Variants in PPP2R2B observed in about 807,000 individuals in gnomAD.
The protein encoded by PPP2R2B is serine/threonine-protein phosphatase 2A 55 kDa regulatory subunit B beta isoform.
In PPP2R2B, 5 loss-of-function variants were observed where a neutral mutation model predicts 46.0. The ratio of observed to expected loss-of-function variants is 0.11; its 90% CI spans 0.06 to 0.23. The LOEUF is 0.23. PPP2R2B is among the 10% of genes least tolerant of loss of function. The probability of loss-of-function intolerance (pLI) is 1.00; values close to 1 mark genes in which losing one functional copy is unlikely to be tolerated. For missense variants in PPP2R2B, 367 were observed against 575.0 expected, an observed-to-expected ratio of 0.64 and a Z score of 3.70; for synonymous variants, 215 against 206.7, an observed-to-expected ratio of 1.04 and a Z score of -0.34.
At chr5:146,684,053 C>G (rs187583171) in intron 5 of PPP2R2B, among the ~76,000 whole-genome samples, 1 of 152,040 alleles carries the variant, frequency 6.6e-6, no homozygotes, top group Non-Finnish European at 1.5e-5. Flanking sequence ...ATCCAGGAGC[C>G]GTTGGTGCCA....
At chr5:146,626,132 G>GCCACTA (rs1774044872) in intron 7 of PPP2R2B, among the ~76,000 whole-genome samples, 1 of 152,224 alleles carries the variant, frequency 6.6e-6, no homozygotes, top group African/African-American at 2.4e-5. Context: ...GTTGTTTTAA[G>GCCACTA]CCACTACATT....
intron 2 of PPP2R2B, among the ~76,000 whole-genome samples, chr5:146,769,342 G>A (rs1468763060): frequency 6.6e-6 from 1 of 152,202 alleles, no homozygotes; most frequent in Non-Finnish European, 1.5e-5. Flanking sequence ...AAACTCTGGG[G>A]TGTGGCAAAT....
intron 2 of PPP2R2B, among the ~76,000 whole-genome samples, chr5:146,875,578 A>G (rs1761849920): frequency 6.6e-6 from 1 of 152,232 alleles, no homozygotes; most frequent in Non-Finnish European, 1.5e-5. Flanking sequence ...ATGTGGAATG[A>G]TCTGAGCAAA....
chr5:146,664,634 T>G (rs976661166), intron 5 of PPP2R2B, among the ~76,000 whole-genome samples: 2 of 152,142 alleles, frequency 1.3e-5, no homozygotes, highest in Non-Finnish European at 2.9e-5. Flanking sequence ...CTATTAATGT[T>G]GATATTTTGA....
chr5:147,076,814 A>G lies in PPP2R2B; in HGVS notation c.50+4245T>C, dbSNP rs74580118. 2.2e-4 allele frequency among the ~76,000 whole-genome samples: 33 copies of G among 152,078 alleles called. No homozygotes were observed. The East Asian group carries it at 6.2e-3, about 29-fold the overall frequency. ...AGTGGTGCATTTCTTGAGAGCTTGG[A>G]CTATATTTGATTTATCTTTACAACC... On this transcript the variant is annotated intron_variant, in intron 2 of 10. Transcript: ENST00000394413.
intron 2 of PPP2R2B, among the ~76,000 whole-genome samples, chr5:146,845,183 C>G (rs999688802): frequency 6.6e-6 from 1 of 152,146 alleles, no homozygotes; most frequent in African/African-American, 2.4e-5. Flanking sequence ...CATTCTTTAT[C>G]TCCCAGCTTA....
chr5:147,080,567 C>A (rs1320573170), intron 2 of PPP2R2B, among the ~76,000 whole-genome samples: 2 of 151,968 alleles, frequency 1.3e-5, no homozygotes, highest in Admixed American at 1.3e-4. Flanking sequence ...GGTAAAGGGC[C>A]CTGGAATAGG....
Position 146,691,217 on chromosome 5 carries a change from C to T in PPP2R2B, c.358G>A (p.Val120Ile). ...TCTGGCCTCTTATCACGCTCGCTGA[C>T]TTTCCACAGCTTCACAGTTTTATCT... ...TNDKTVKLWK[V>I]SERDKRPEGY... The change falls in exon 5 of 10, where the codon GTC becomes ATC. Residue 120 changes from valine (V) to isoleucine (I), a missense_variant. Transcript: ENST00000394411. 1 of 1,614,100 alleles carries T rather than the reference C, an allele frequency of 6.2e-7. No individual in the cohort carries two copies. The highest frequency in any genetic ancestry group is 8.5e-7 in the Non-Finnish European group (1 of 1,180,024).
intron 2 of PPP2R2B, among the ~76,000 whole-genome samples, chr5:146,713,545 T>G (rs1034464142): frequency 6.6e-6 from 1 of 152,108 alleles, no homozygotes; most frequent in African/African-American, 2.4e-5. Context: ...AAGACTCAAT[T>G]TGGCTACAGT....
chr5:147,068,161 G>A (rs1561610876), intron 2 of PPP2R2B, among the ~76,000 whole-genome samples: 1 of 152,058 alleles, frequency 6.6e-6, no homozygotes, highest in Non-Finnish European at 1.5e-5. Flanking sequence ...GTTTTCATTA[G>A]TATCACAGCT....
chr5:146,967,934 A>G (rs533222648), intron 1 of PPP2R2B, among the ~76,000 whole-genome samples: 66 of 152,280 alleles, frequency 4.3e-4, no homozygotes, highest in Admixed American at 4.3e-3. Context: ...TTTTCCCTTC[A>G]AGGTCTGGAC....
chr5:146,752,673 T>A (rs1753627784), intron 2 of PPP2R2B, among the ~76,000 whole-genome samples: 1 of 152,214 alleles, frequency 6.6e-6, no homozygotes, highest in South Asian at 2.1e-4. Flanking sequence ...GGTGTGTGTG[T>A]GTAGTTCTTT....
chr5:146,777,819 G>A (rs1322721020), intron 2 of PPP2R2B, among the ~76,000 whole-genome samples: 1 of 152,168 alleles, frequency 6.6e-6, no homozygotes, highest in Non-Finnish European at 1.5e-5. Flanking sequence ...CAGGCAAAAT[G>A]TAATTGGTTA....
intron 1 of PPP2R2B, among the ~76,000 whole-genome samples, chr5:146,888,477 T>G (rs555566616): frequency 6.6e-6 from 1 of 152,158 alleles, no homozygotes; most frequent in African/African-American, 2.4e-5. Flanking sequence ...ATTATATCAA[T>G]AGATTCGAAC....
chr5:146,593,146 T>A (rs2151003018), intron 8 of PPP2R2B, 84 bp from the exon 9 acceptor site: 4 of 1,144,302 alleles, frequency 3.5e-6, no homozygotes, highest in African/African-American at 1.5e-5. Flanking sequence ...TGATGTGAGC[T>A]GTTAAATCTT....
intron 1 of PPP2R2B, among the ~76,000 whole-genome samples, chr5:147,024,498 C>A (rs1196317094): frequency 6.6e-6 from 1 of 152,010 alleles, no homozygotes; most frequent in African/African-American, 2.4e-5. Flanking sequence ...AAACACAACA[C>A]ACAACACCTA....
intron 2 of PPP2R2B, among the ~76,000 whole-genome samples, chr5:146,716,047 A>T (rs1394662155): frequency 6.6e-6 from 1 of 152,158 alleles, no homozygotes; most frequent in African/African-American, 2.4e-5. Context: ...GCCTGTTGAC[A>T]TCTCATTCTT....
At chr5:146,748,032 A>G (rs1753298748) in intron 2 of PPP2R2B, among the ~76,000 whole-genome samples, 1 of 152,188 alleles carries the variant, frequency 6.6e-6, no homozygotes, top group South Asian at 2.1e-4. Context: ...CCACAAAAGC[A>G]GCTCCCATCT....
intron 7 of PPP2R2B, among the ~76,000 whole-genome samples, chr5:146,629,961 G>A (rs1033564089): frequency 1.3e-5 from 2 of 152,094 alleles, no homozygotes; most frequent in Admixed American, 6.6e-5. Context: ...TTATAGGTGT[G>A]TGCAACCACA....
Sources: allele counts gnomAD v4.1 joint callset (sites outside exome capture counted in the v4.1 genomes callset), GRCh38; gene constraint gnomAD v4.1.1; transcripts MANE v1.5; gene names NCBI Gene and HGNC (gene_info 2026-07-23, HGNC 2026-07-21).